The following TBC1D21 variants were observed in gnomAD, a reference collection of about 807,000 sequenced individuals.
TBC1D21 encodes TBC1 domain family member 21.
In TBC1D21, 38 loss-of-function variants were observed where a neutral mutation model predicts 46.0. The observed-to-expected ratio is 0.83, with a 90% CI of 0.64 to 1.08. TBC1D21 has a LOEUF of 1.08. Ranked by LOEUF, TBC1D21 falls within the 50% of genes least tolerant of loss-of-function variation. The pLI, the probability that TBC1D21 is intolerant of heterozygous loss-of-function variation, is 0.00. For missense variants in TBC1D21, 415 were observed against 417.9 expected, an observed-to-expected ratio of 0.99 and a Z score of 0.06; for synonymous variants, 151 against 157.2, an observed-to-expected ratio of 0.96 and a Z score of 0.29.
Position 73,887,741 on chromosome 15 carries a change from G to C in TBC1D21, c.894+5G>C. The C allele has an allele frequency of 6.2e-7, 1 of 1,611,782 alleles. No homozygotes were observed. The highest frequency in any genetic ancestry group is 8.5e-7 in the Non-Finnish European group (1 of 1,178,722). On this transcript the variant is annotated splice_donor_5th_base_variant and intron_variant, in intron 9 of 10. Coordinates refer to ENST00000300504, the MANE Select transcript of TBC1D21 (RefSeq NM_153356.3). Reference sequence around the variant, plus strand: ...GGCGGGGATGACATCCTCCTGGTGAGAGCACCCTCGGGCAAGCTACCACCC... The same window carrying C: ...GGCGGGGATGACATCCTCCTGGTGACAGCACCCTCGGGCAAGCTACCACCC...
rs1229563121 is a variant in TBC1D21 at position 73,884,079 on chromosome 15, C to T, written c.273-72C>T. 3 of 1,274,998 alleles carry T rather than the reference C, an allele frequency of 2.4e-6. No homozygotes were observed. In the African/African-American group the frequency reaches 4.5e-5, roughly 19 times the overall value. 79.0% of individuals were successfully genotyped at this position (1,274,998 alleles called of 1,614,324 possible). On this transcript the variant is annotated intron_variant, in intron 3 of 10. Coordinates refer to ENST00000300504, the MANE Select transcript of TBC1D21 (RefSeq NM_153356.3). ...CCTGGATCTGCCTGGGGCCTGGTAG[C>T]TGCAGCTGCTCATTCACCACTTATC...
chr15:73,889,623 C>G (rs2141588303), downstream of TBC1D21, among the ~76,000 whole-genome samples: 1 of 152,324 alleles, frequency 6.6e-6, no homozygotes, highest in East Asian at 1.9e-4. Flanking sequence ...AGATTTCCTG[C>G]TAGTCTGTGG....
intron 7 of TBC1D21, 74 bp from the exon 8 acceptor site, chr15:73,886,438 T>C: frequency 7.6e-7 from 1 of 1,320,730 alleles, no homozygotes; most frequent in Non-Finnish European, 1.1e-6. Flanking sequence ...CTCTGTAGTT[T>C]GGCCTCATCT....
chr15:73,873,634 T>C lies in TBC1D21; in HGVS notation c.-76T>C. On this transcript the variant is annotated 5_prime_UTR_variant, in exon 1 of 11. Transcript: ENST00000300504. The stretch of plus-strand genomic sequence containing the variant: ...CAGTTCCTCCTGGGAATGCAACCCA[T>C]CTCCGAAAAGGATTAAGCATCACTA... 1 of 1,509,316 alleles carries C rather than the reference T, an allele frequency of 6.6e-7. No individual in the cohort carries two copies. The allele number at this position is 1,509,316 out of a possible 1,614,324, so 93.5% of individuals were successfully genotyped here. A position where few individuals can be genotyped will look rare whatever the true frequency, so the allele number is the denominator to read the frequency against.
chr15:73,881,723 G>A lies in TBC1D21; in HGVS notation c.248G>A (p.Arg83Gln), dbSNP rs117341216. 18,802 of 1,613,804 alleles carry A rather than the reference G, an allele frequency of 0.012. 157 individuals carry two copies. Among genetic ancestry groups the A allele is most frequent in the Middle Eastern group, 0.031 (189 of 6,062 alleles). Residue 83 changes from arginine to glutamine, a missense_variant, in exon 3 of 11, where the codon CGG becomes CAG. Transcript: ENST00000300504. ...YFSWQSSQDE[R>Q]LTVDSMRRKN... ...TCATGGCAGAGTTCCCAGGATGAGCGGCTCACGGTGGACAGCATGAGGAGG... is the reference window on the plus strand; with the variant it reads ...TCATGGCAGAGTTCCCAGGATGAGCAGCTCACGGTGGACAGCATGAGGAGG...
Position 73,887,686 on chromosome 15 carries a change from G to A in TBC1D21, c.844G>A (p.Val282Met), listed in dbSNP as rs2068274647. The change falls in exon 9 of 11, where the codon GTG becomes ATG. Residue 282 changes from valine (V) to methionine (M), a missense_variant. Val to Met is a conservative substitution (Grantham distance 21). Transcript: ENST00000300504. The stretch of plus-strand genomic sequence containing the variant: ...GGTGGCCTACAGCATGCTGCAGATG[G>A]TGCGGGAGCAGGTGCTGCAGGAAAG... ...VLVAYSMLQM[V>M]REQVLQESMG... 1.2e-6 allele frequency: 2 copies of A among 1,613,946 alleles called. No individual in the cohort carries two copies. Among genetic ancestry groups the A allele is most frequent in the East Asian group, 2.2e-5 (1 of 44,894 alleles).
chr15:73,903,743 T>C, the TBC1D21 span, among the ~76,000 whole-genome samples: 1 of 152,194 alleles, frequency 6.6e-6, no homozygotes, highest in East Asian at 1.9e-4. Flanking sequence ...ACACCAACTC[T>C]TACCTTTTCC....
chr15:73,909,244 C>T, the TBC1D21 span, among the ~76,000 whole-genome samples: 1 of 152,048 alleles, frequency 6.6e-6, no homozygotes, highest in East Asian at 1.9e-4. Flanking sequence ...TGGTGGCACG[C>T]ACCTGTAGTC....
the TBC1D21 span, among the ~76,000 whole-genome samples, chr15:73,901,524 T>A: frequency 1.3e-5 from 2 of 152,368 alleles, no homozygotes; most frequent in Non-Finnish European, 2.9e-5. Context: ...ACAAACTTGG[T>A]GGCTTAACGT....
At position 73,881,502 on chromosome 15, in the gene TBC1D21, A is replaced by T; in HGVS notation, c.164A>T (p.Glu55Val). Residue 55 changes from glutamate (E) to valine (V), a missense_variant, in exon 2 of 11, where the codon GAA becomes GTA. Physicochemically the swap from Glu to Val is moderately radical, Grantham distance 121. Coordinates refer to ENST00000300504, the MANE Select transcript of TBC1D21 (RefSeq NM_153356.3). ...SRDFICVNIL[E>V]RGLHPFVRTE... ...GACTTCATTTGTGTTAACATCCTGG[A>T]AAGGGTGGGTCCCCAAGCTACCCTT... is the stretch of plus-strand genomic sequence containing the variant. 6.2e-7 allele frequency: 1 copy of T among 1,614,056 alleles called. No homozygotes were observed. Among genetic ancestry groups the T allele is most frequent in the Non-Finnish European group, 8.5e-7 (1 of 1,179,928 alleles).
the TBC1D21 span, among the ~76,000 whole-genome samples, chr15:73,906,943 G>A: frequency 6.6e-6 from 1 of 152,230 alleles, no homozygotes; most frequent in Admixed American, 6.5e-5. Context: ...TGTCCCACCA[G>A]CCTAGTAATA....
the TBC1D21 span, among the ~76,000 whole-genome samples, chr15:73,897,116 G>C: frequency 6.6e-6 from 1 of 152,050 alleles, no homozygotes; most frequent in African/African-American, 2.4e-5. Flanking sequence ...CGCACTGAAG[G>C]TCACCAGAGC....
At chr15:73,900,905 C>T in the TBC1D21 span, among the ~76,000 whole-genome samples, 6 of 152,150 alleles carry the variant, frequency 3.9e-5, no homozygotes, top group East Asian at 3.9e-4. Context: ...CTAATAGCTA[C>T]GGTTATTCCT....
At chr15:73,883,955 T>C (rs2068198291) in intron 3 of TBC1D21, among the ~76,000 whole-genome samples, 196 bp from the exon 4 acceptor site, 1 of 152,194 alleles carries the variant, frequency 6.6e-6, no homozygotes, top group South Asian at 2.1e-4. Context: ...CTGTCTCTGT[T>C]CTGCAGTCCA....
chr15:73,879,027 G>A (rs2084851), intron 1 of TBC1D21, among the ~76,000 whole-genome samples: 62,728 of 152,074 alleles, frequency 0.41, 13,860 homozygotes, highest in East Asian at 0.74. Context: ...GGCCCACACC[G>A]AGATTTGTAA....
At chr15:73,881,182 T>C (rs1363023876) in intron 1 of TBC1D21, among the ~76,000 whole-genome samples, 1 of 152,274 alleles carries the variant, frequency 6.6e-6, no homozygotes, top group Non-Finnish European at 1.5e-5. Context: ...TTTAGAGTGC[T>C]TGCATTTTTC....
At chr15:73,885,259 G>A (rs369471565) in intron 6 of TBC1D21, among the ~76,000 whole-genome samples, 156 bp downstream of exon 6, 2 of 152,208 alleles carry the variant, frequency 1.3e-5, no homozygotes, top group East Asian at 1.9e-4. Flanking sequence ...AAACCCAGTG[G>A]TTCAAAGTAG....
chr15:73,886,026 C>G, intron 6 of TBC1D21, 52 bp from the exon 7 acceptor site: 1 of 1,522,936 alleles, frequency 6.6e-7, no homozygotes, highest in South Asian at 1.1e-5. Flanking sequence ...TTGACTCTTC[C>G]GGTGCCTTGA....
the TBC1D21 span, among the ~76,000 whole-genome samples, chr15:73,897,464 GGA>G: frequency 6.6e-6 from 1 of 152,248 alleles, no homozygotes; most frequent in Admixed American, 6.5e-5. Flanking sequence ...TGTAGCCACA[GGA>G]GAGAGGACCT....
Sources: allele counts gnomAD v4.1 joint callset (sites outside exome capture counted in the v4.1 genomes callset), GRCh38; gene constraint gnomAD v4.1.1; transcripts MANE v1.5; gene names NCBI Gene and HGNC (gene_info 2026-07-23, HGNC 2026-07-21).